UBN1: variants seen among roughly 807,000 people sequenced by gnomAD.
UBN1 encodes ubinuclein-1.
Under a neutral mutation model 108.5 loss-of-function variants are expected in UBN1, and 17 were observed. That is an observed-to-expected ratio of 0.16 (90% confidence interval 0.11 to 0.24). The LOEUF is 0.24. Among genes scored for constraint, UBN1 ranks in the 10% least tolerant of loss-of-function variants. UBN1 has a pLI of 1.00. For missense variants in UBN1, 1,595 were observed against 1,394.4 expected, an observed-to-expected ratio of 1.14 and a Z score of -2.29; for synonymous variants, 726 against 564.2, an observed-to-expected ratio of 1.29 and a Z score of -4.07.
At position 4,881,067 on chromosome 16, in the gene UBN1, C is replaced by T. The variant is rs2088061673; in HGVS notation, c.*935C>T. Reference sequence around the variant, plus strand: ...GTCTGGGCCCCCAAATTCCAAGTCCCAGTATAGCCAGGGCTCCCATTTTGT... The same window carrying T: ...GTCTGGGCCCCCAAATTCCAAGTCCTAGTATAGCCAGGGCTCCCATTTTGT... On this transcript the variant is annotated 3_prime_UTR_variant, in exon 18 of 18. Coordinates refer to ENST00000262376, the MANE Select transcript of UBN1 (RefSeq NM_001079514.3). 6.6e-6 allele frequency: 1 copy of T among 152,564 alleles called. No homozygotes were observed. The highest frequency in any genetic ancestry group is 1.5e-5 in the Non-Finnish European group (1 of 68,056). The allele number at this position is 152,564 out of a possible 1,614,324, so 9.5% of individuals were successfully genotyped here.
intron 17 of UBN1, among the ~76,000 whole-genome samples, chr16:4,878,155 C>CG (rs1371131567): frequency 6.6e-6 from 1 of 152,150 alleles, no homozygotes; most frequent in Admixed American, 6.5e-5. Context: ...TCAGGTGCCC[C>CG]GGGTTGGTAC....
chr16:4,850,152 A>G (rs2086488997), intron 1 of UBN1, among the ~76,000 whole-genome samples: 1 of 152,144 alleles, frequency 6.6e-6, no homozygotes, highest in South Asian at 2.1e-4. Flanking sequence ...AAATGTTTCA[A>G]ATGGCTTAGT....
chr16:4,876,434 T>G (rs1269990111), intron 15 of UBN1, among the ~76,000 whole-genome samples: 2 of 152,154 alleles, frequency 1.3e-5, no homozygotes, highest in Non-Finnish European at 2.9e-5. Flanking sequence ...AAGGTATATA[T>G]GTATGTGTGT....
intron 2 of UBN1, among the ~76,000 whole-genome samples, chr16:4,857,689 C>G (rs1157206622): frequency 6.6e-6 from 1 of 152,160 alleles, no homozygotes. Context: ...CTTTATTGAA[C>G]GTGGTTGTGT....
intron 10 of UBN1, 47 bp downstream of exon 10, chr16:4,870,681 C>A (rs1395432102): frequency 3.7e-6 from 6 of 1,608,284 alleles, no homozygotes; most frequent in Admixed American, 1.7e-5. Flanking sequence ...CGTCTTGCCT[C>A]TTCCCCTCCC....
At chr16:4,855,142 G>A (rs1341407915) in intron 2 of UBN1, among the ~76,000 whole-genome samples, 3 of 152,150 alleles carry the variant, frequency 2.0e-5, no homozygotes, top group African/African-American at 2.4e-5. Flanking sequence ...AGTGAAATGG[G>A]GATGAGGCTG....
chr16:4,860,196 G>A (rs1053327794), intron 6 of UBN1, among the ~76,000 whole-genome samples: 3 of 152,204 alleles, frequency 2.0e-5, no homozygotes, highest in East Asian at 1.9e-4. Context: ...CTGTGTGACT[G>A]CTGATGTTTC....
intron 12 of UBN1, 103 bp downstream of exon 12, chr16:4,871,404 C>T (rs867000958): frequency 3.8e-5 from 56 of 1,489,960 alleles, no homozygotes; most frequent in Middle Eastern, 5.0e-4. Context: ...GAGTCACTGT[C>T]TAGCTGCCTC....
At chr16:4,862,701 G>A (rs1216142534) in intron 7 of UBN1, among the ~76,000 whole-genome samples, 2 of 152,252 alleles carry the variant, frequency 1.3e-5, no homozygotes, top group Non-Finnish European at 2.9e-5. Context: ...CATAGGTTGT[G>A]TTCTAGTGTG....
At position 4,874,776 on chromosome 16, in the gene UBN1, C is replaced by T. The variant is rs1212089019; in HGVS notation, c.2366C>T (p.Thr789Met). ...SKAKHHSLPR[T>M]SHGPQVAVPV... ...GCTAAGCACCACAGCTTGCCACGGACGTCTCACGGGCCCCAAGTGGCAGTT... is the reference window on the plus strand; with the variant it reads ...GCTAAGCACCACAGCTTGCCACGGATGTCTCACGGGCCCCAAGTGGCAGTT... The change falls in exon 15 of 18, where the codon ACG (threonine) becomes ATG (methionine). Residue 789 changes from threonine (T) to methionine (M), a missense_variant. This residue lies in a region of UBN1 where 1,398 missense variants were observed against 1,194.7 expected (regional missense o/e 1.17). Transcript: ENST00000262376. 4.3e-6 allele frequency: 7 copies of T among 1,614,104 alleles called. No individual in the cohort carries two copies. Among genetic ancestry groups the T allele is most frequent in the Admixed American group, 1.7e-5 (1 of 60,030 alleles).
Position 4,871,316 on chromosome 16 carries a change from C to G in UBN1, c.1706+15C>G. On this transcript the variant is annotated intron_variant, in intron 12 of 17. Transcript: ENST00000262376. ...ATGCAGGCCAGGTGAGGGCCGTGTGCTGAGATGGGCATCTGTGCAGTCAAG... is the reference window on the plus strand; with the variant it reads ...ATGCAGGCCAGGTGAGGGCCGTGTGGTGAGATGGGCATCTGTGCAGTCAAG... 6.2e-7 allele frequency: 1 copy of G among 1,611,896 alleles called. No individual in the cohort carries two copies. The highest frequency in any genetic ancestry group is 2.2e-5 in the East Asian group (1 of 44,870).
At chr16:4,851,906 G>A (rs1460778426) in intron 1 of UBN1, among the ~76,000 whole-genome samples, 1 of 152,004 alleles carries the variant, frequency 6.6e-6, no homozygotes, top group Non-Finnish European at 1.5e-5. Context: ...ACAAGAAGAA[G>A]TACTTATAAG....
Position 4,880,127 on chromosome 16 carries a change from T to C in UBN1, c.3400T>C (p.Leu1134=). Residue 1134 remains leucine (L), a synonymous_variant, in exon 18 of 18, where the codon TTG becomes CTG. Coordinates refer to ENST00000262376, the MANE Select transcript of UBN1 (RefSeq NM_001079514.3). ...HGKGPAVPRK[L] is the part of the protein sequence containing the mutation. The stretch of plus-strand genomic sequence containing the variant: ...GAAAGGGCCTGCTGTACCACGGAAA[T>C]TGTGACCGCTTCAGAGGCAAGGCTT... 6.2e-7 allele frequency: 1 copy of C among 1,613,910 alleles called. No homozygotes were observed. The highest frequency in any genetic ancestry group is 8.5e-7 in the Non-Finnish European group (1 of 1,179,984).
chr16:4,858,477 C>A (rs1160864227), intron 3 of UBN1, 91 bp from the exon 4 acceptor site: 3 of 1,163,140 alleles, frequency 2.6e-6, no homozygotes, highest in Non-Finnish European at 3.8e-6. Flanking sequence ...AGTGCATTAC[C>A]TCTTTGAGTC....
At chr16:4,870,005 C>T (rs1352243869) in intron 8 of UBN1, among the ~76,000 whole-genome samples, 1 of 152,198 alleles carries the variant, frequency 6.6e-6, no homozygotes, top group Non-Finnish European at 1.5e-5. Flanking sequence ...GCCCACATTA[C>T]CTAGCCATGT....
chr16:4,871,225 G>C lies in UBN1; in HGVS notation c.1630G>C (p.Ala544Pro). 2 of 1,614,264 alleles carry C rather than the reference G, an allele frequency of 1.2e-6. No homozygotes were observed. Among genetic ancestry groups the C allele is most frequent in the South Asian group, 2.2e-5 (2 of 91,090 alleles). ...QDLERNNKAQ[A>P]WEDCVKGFLD... ...CCTGGAGAGGAACAACAAAGCCCAG[G>C]CTTGGGAGGACTGTGTGAAGGGCTT... Residue 544 changes from alanine to proline, a missense_variant, in exon 12 of 18, where the codon GCT (alanine) becomes CCT (proline). Transcript: ENST00000262376.
chr16:4,858,125 G>A (rs1424296636), intron 3 of UBN1, 49 bp downstream of exon 3: 3 of 1,220,500 alleles, frequency 2.5e-6, no homozygotes, highest in South Asian at 2.4e-5. Flanking sequence ...GGTGGGAGAC[G>A]TTTCCACACT....
intron 7 of UBN1, among the ~76,000 whole-genome samples, chr16:4,868,174 C>T (rs933226619): frequency 2.0e-5 from 3 of 152,134 alleles, no homozygotes; most frequent in Admixed American, 6.5e-5. Flanking sequence ...GGCTGCCTGC[C>T]GTGGTTGCTT....
Position 4,876,969 on chromosome 16 carries a change from C to T in UBN1, c.3123C>T (p.Asn1041=). 2 of 1,614,244 alleles carry T rather than the reference C, an allele frequency of 1.2e-6. No individual in the cohort carries two copies. Among genetic ancestry groups the T allele is most frequent in the Non-Finnish European group, 1.7e-6 (2 of 1,180,040 alleles). ...AGCTGTCTGGGGCCATGAGCTCGAACTCCTTGGGAATTATAACCCCTGTCC... is the reference window on the plus strand; with the variant it reads ...AGCTGTCTGGGGCCATGAGCTCGAATTCCTTGGGAATTATAACCCCTGTCC... ...SPKLSGAMSS[N]SLGIITPVPI... is the part of the protein sequence containing the mutation. Residue 1041 remains asparagine (N), a synonymous_variant, in exon 16 of 18, where the codon AAC becomes AAT. Transcript: ENST00000262376.
Sources: gnomAD v4.1 joint callset for allele counts (sites outside exome capture counted in the v4.1 genomes callset) on GRCh38, gnomAD v4.1.1 for gene constraint, gnomAD v4.1.1 regional missense constraint, MANE v1.5 for transcripts, NCBI Gene and HGNC (gene_info 2026-07-23, HGNC 2026-07-21) for gene names.